Variants in TAS2R1 observed in about 807,000 individuals in gnomAD.
The protein encoded by TAS2R1 is taste 2 receptor member 1.
For missense variants in TAS2R1, 370 were observed against 353.4 expected, an observed-to-expected ratio of 1.05 and a Z score of -0.38; for synonymous variants, 141 against 134.2, an observed-to-expected ratio of 1.05 and a Z score of -0.35.
At chr5:9,784,233 G>T in the TAS2R1 span, among the ~76,000 whole-genome samples, 8 of 152,146 alleles carry the variant, frequency 5.3e-5, no homozygotes, top group Admixed American at 2.6e-4. Context: ...TCTCTGGGGT[G>T]TCCTGTGGAG....
At chr5:9,677,598 G>A (rs1280441585) in intron 1 of TAS2R1, among the ~76,000 whole-genome samples, 1 of 152,124 alleles carries the variant, frequency 6.6e-6, no homozygotes, top group African/African-American at 2.4e-5. Flanking sequence ...ACATGATTAT[G>A]AAAATCCAAA....
chr5:9,674,941 A>T (rs1007707748), intron 1 of TAS2R1, among the ~76,000 whole-genome samples: 2 of 152,000 alleles, frequency 1.3e-5, no homozygotes, highest in African/African-American at 4.8e-5. Context: ...TTGTGTATGT[A>T]AAAAATTTTA....
the TAS2R1 span, among the ~76,000 whole-genome samples, chr5:9,738,583 A>T: frequency 6.6e-6 from 1 of 152,178 alleles, no homozygotes; most frequent in Non-Finnish European, 1.5e-5. Flanking sequence ...CATTATTTAA[A>T]TTAAACACCC....
At chr5:9,734,221 T>C in the TAS2R1 span, among the ~76,000 whole-genome samples, 1 of 152,210 alleles carries the variant, frequency 6.6e-6, no homozygotes, top group African/African-American at 2.4e-5. Context: ...TGCTGGCACC[T>C]TGATATCAGA....
At chr5:9,841,700 G>A in the TAS2R1 span, among the ~76,000 whole-genome samples, 1 of 152,158 alleles carries the variant, frequency 6.6e-6, no homozygotes, top group South Asian at 2.1e-4. Context: ...ATAAAAGGCT[G>A]TGGCCAGTCT....
At chr5:9,720,706 A>G in the TAS2R1 span, among the ~76,000 whole-genome samples, 1 of 152,236 alleles carries the variant, frequency 6.6e-6, no homozygotes, top group Admixed American at 6.5e-5. Flanking sequence ...TACGGAGAGC[A>G]GAGTTCCTCA....
At chr5:9,854,593 CAA>C in the TAS2R1 span, 1 of 152,014 alleles carries the variant, frequency 6.6e-6, no homozygotes, top group African/African-American at 2.4e-5. Flanking sequence ...ACTGCAGAAT[CAA>C]AGAGTATATT....
At chr5:9,804,582 C>T in the TAS2R1 span, among the ~76,000 whole-genome samples, 1 of 152,064 alleles carries the variant, frequency 6.6e-6, no homozygotes, top group African/African-American at 2.4e-5. Flanking sequence ...GAAACAAACT[C>T]CGAAAGAAAC....
the TAS2R1 span, among the ~76,000 whole-genome samples, chr5:9,768,091 T>C: frequency 6.6e-6 from 1 of 152,094 alleles, no homozygotes. Context: ...AGCCTCCTTG[T>C]CCATTACCCA....
At chr5:9,863,569 C>G in the TAS2R1 span, among the ~76,000 whole-genome samples, 6,343 of 152,116 alleles carry the variant, frequency 0.042, 356 homozygotes, top group East Asian at 0.23. Flanking sequence ...CTAGCCAGGC[C>G]CAAAGATTAT....
At chr5:9,873,183 C>T in the TAS2R1 span, among the ~76,000 whole-genome samples, 3 of 152,170 alleles carry the variant, frequency 2.0e-5, no homozygotes, top group South Asian at 4.2e-4. Flanking sequence ...GAGACCCAGG[C>T]CCCCACGCTG....
chr5:9,755,555 C>G, the TAS2R1 span, among the ~76,000 whole-genome samples: 1 of 148,002 alleles, frequency 6.8e-6, no homozygotes, highest in Non-Finnish European at 1.5e-5. Context: ...CCATGGCATT[C>G]CAGCCTGGGC....
chr5:9,730,786 G>T, the TAS2R1 span, among the ~76,000 whole-genome samples: 3 of 152,140 alleles, frequency 2.0e-5, no homozygotes, highest in Non-Finnish European at 2.9e-5. Flanking sequence ...GACCCAGTGG[G>T]AGGTAATTGA....
the TAS2R1 span, among the ~76,000 whole-genome samples, chr5:9,760,266 T>C: frequency 2.0e-5 from 3 of 152,292 alleles, no homozygotes; most frequent in African/African-American, 7.2e-5. Flanking sequence ...CTACCAAACA[T>C]TTAAAGAAGA....
In TAS2R1 at chr5:9,629,408, T is replaced by C. The variant is rs764606965; in HGVS notation, c.625A>G (p.Arg209Gly). Residue 209 changes from arginine to glycine, a missense_variant, in exon 1 of 1, where the codon AGA becomes GGA. Coordinates refer to ENST00000382492, the MANE Select transcript of TAS2R1 (RefSeq NM_019599.3). Reference protein sequence around the residue: ...FSLGRHTRQMRNTVAGSRVPG... With the variant: ...FSLGRHTRQMGNTVAGSRVPG... ...ACCCTGCTGCCGGCCACTGTGTTTC[T>C]CATTTGCCGGGTGTGCCTCCCCAGA... 6.2e-7 allele frequency: 1 copy of C among 1,614,144 alleles called. No individual in the cohort carries two copies. Among genetic ancestry groups the C allele is most frequent in the Non-Finnish European group, 8.5e-7 (1 of 1,180,030 alleles).
the TAS2R1 span, among the ~76,000 whole-genome samples, chr5:9,773,118 T>G: frequency 6.6e-6 from 1 of 152,050 alleles, no homozygotes; most frequent in Non-Finnish European, 1.5e-5. Context: ...TTAGTGAAGG[T>G]GACTTTGTCT....
At chr5:9,667,890 AC>A (rs1389582120) in intron 1 of TAS2R1, among the ~76,000 whole-genome samples, 1 of 152,126 alleles carries the variant, frequency 6.6e-6, no homozygotes, top group Non-Finnish European at 1.5e-5. Flanking sequence ...CCTCCAAACA[AC>A]CGCACTAGTT....
intron 1 of TAS2R1, among the ~76,000 whole-genome samples, chr5:9,691,712 A>T (rs1278210906): frequency 6.6e-6 from 1 of 152,242 alleles, no homozygotes; most frequent in African/African-American, 2.4e-5. Flanking sequence ...AGTTAAGGAC[A>T]GGCGGAACCC....
chr5:9,702,317 CT>C (rs1410890268), intron 1 of TAS2R1, among the ~76,000 whole-genome samples: 1 of 152,176 alleles, frequency 6.6e-6, no homozygotes, highest in Non-Finnish European at 1.5e-5. Flanking sequence ...GCAACCCGCC[CT>C]CAGGACATTT....
Sources: gnomAD v4.1 joint callset for allele counts (sites outside exome capture counted in the v4.1 genomes callset) on GRCh38, gnomAD v4.1.1 for gene constraint, MANE v1.5 for transcripts, NCBI Gene and HGNC (gene_info 2026-07-23, HGNC 2026-07-21) for gene names.